The following UBQLN1 variants were observed in gnomAD, a reference collection of about 807,000 sequenced individuals.
UBQLN1 encodes ubiquilin 1, also known as ubiquilin-1.
In UBQLN1, 13 loss-of-function variants were observed where a neutral mutation model predicts 65.4. The ratio of observed to expected loss-of-function variants is 0.20; its 90% confidence interval spans 0.13 to 0.32. The LOEUF (loss-of-function observed/expected upper bound fraction) is 0.32. Ranked by LOEUF, UBQLN1 falls within the 10% of genes least tolerant of loss-of-function variation. The pLI, the probability that UBQLN1 is intolerant of heterozygous loss-of-function variation, is 1.00. For missense variants in UBQLN1, 561 were observed against 724.0 expected, an observed-to-expected ratio of 0.77 and a Z score of 2.58; for synonymous variants, 267 against 247.8, an observed-to-expected ratio of 1.08 and a Z score of -0.73.
At chr9:83,681,062 A>G (rs192147738) in intron 3 of UBQLN1, among the ~76,000 whole-genome samples, 2 of 152,314 alleles carry the variant, frequency 1.3e-5, no homozygotes, top group East Asian at 3.8e-4. Flanking sequence ...TGCTTCTAAT[A>G]ATCTTTCCAA....
chr9:83,663,171 A>G (rs1831589485), intron 10 of UBQLN1, among the ~76,000 whole-genome samples: 1 of 151,582 alleles, frequency 6.6e-6, no homozygotes, highest in South Asian at 2.1e-4. Flanking sequence ...GGAAGGAGGA[A>G]AAGGAAAGGG....
intron 6 of UBQLN1, among the ~76,000 whole-genome samples, chr9:83,676,594 CAT>C (rs1291981671): frequency 2.6e-5 from 4 of 152,106 alleles, no homozygotes; most frequent in Non-Finnish European, 5.9e-5. Flanking sequence ...ATATTATAAA[CAT>C]AAATCTCAAG....
rs533292611 is a variant in UBQLN1 at position 83,678,616 on chromosome 9, C to G, written c.712-17G>C. 29 of 1,561,406 alleles carry G rather than the reference C, an allele frequency of 1.9e-5. No homozygotes were observed. The highest frequency in any genetic ancestry group is 4.2e-5 in the Admixed American group (2 of 47,768). On this transcript the variant is annotated splice_polypyrimidine_tract_variant and intron_variant, in intron 4 of 10. Transcript: ENST00000376395. ...TTCCAACGTCTACGAAAAATATTTCCAAAAAAAGAAAAAAAAAAGGCATTG... is the reference window on the plus strand; with the variant it reads ...TTCCAACGTCTACGAAAAATATTTCGAAAAAAAGAAAAAAAAAAGGCATTG...
chr9:83,686,167 T>A lies in UBQLN1; in HGVS notation c.181-12A>T. ...ATTTCTTCCTTAAACTAAATAAAAATAAAATAAGTATGTATTACAGTTGTT... is the reference window on the plus strand; with the variant it reads ...ATTTCTTCCTTAAACTAAATAAAAAAAAAATAAGTATGTATTACAGTTGTT... On this transcript the variant is annotated splice_polypyrimidine_tract_variant and intron_variant, in intron 1 of 10. Transcript: ENST00000376395. 1 of 1,506,010 alleles carries A rather than the reference T, an allele frequency of 6.6e-7. No homozygotes were observed. Among genetic ancestry groups the A allele is most frequent in the Non-Finnish European group, 9.0e-7 (1 of 1,116,074 alleles). 93.3% of individuals were successfully genotyped at this position (1,506,010 alleles called of 1,614,324 possible). A position where few individuals can be genotyped will look rare whatever the true frequency, so the allele number is the denominator to read the frequency against.
chr9:83,696,157 C>T (rs904127782), intron 1 of UBQLN1, among the ~76,000 whole-genome samples: 1 of 152,172 alleles, frequency 6.6e-6, no homozygotes, highest in Non-Finnish European at 1.5e-5. Flanking sequence ...CCAGGACGGT[C>T]TCAAACTCTT....
At chr9:83,692,457 A>G (rs546707446) in intron 1 of UBQLN1, among the ~76,000 whole-genome samples, 28 of 152,322 alleles carry the variant, frequency 1.8e-4, no homozygotes, top group African/African-American at 6.7e-4. Flanking sequence ...ATTGATATGG[A>G]AAAACTTAAT....
chr9:83,663,361 A>C (rs1587635171), intron 10 of UBQLN1, among the ~76,000 whole-genome samples: 1 of 152,158 alleles, frequency 6.6e-6, no homozygotes, highest in Non-Finnish European at 1.5e-5. Flanking sequence ...CAACCACATT[A>C]TTAGGGGGTC....
chr9:83,700,555 G>T (rs866829035), intron 1 of UBQLN1, among the ~76,000 whole-genome samples: 16 of 152,060 alleles, frequency 1.1e-4, no homozygotes, highest in African/African-American at 3.9e-4. Flanking sequence ...TCAAAAACAG[G>T]CTACTGTGAG....
chr9:83,673,618 A>G (rs1225443611), intron 6 of UBQLN1, among the ~76,000 whole-genome samples: 1 of 151,900 alleles, frequency 6.6e-6, no homozygotes, highest in African/African-American at 2.4e-5. Flanking sequence ...GTTAAGGGAA[A>G]AAAAATCCAA....
chr9:83,670,718 A>G (rs1239485374), intron 6 of UBQLN1, among the ~76,000 whole-genome samples: 1 of 152,216 alleles, frequency 6.6e-6, no homozygotes, highest in Non-Finnish European at 1.5e-5. Context: ...GTTTGACAGC[A>G]TTTACCACAG....
chr9:83,662,576 T>C (rs959357254), intron 10 of UBQLN1, among the ~76,000 whole-genome samples: 2 of 152,128 alleles, frequency 1.3e-5, no homozygotes, highest in African/African-American at 4.8e-5. Context: ...AAATGACCAA[T>C]CAATCCTAGG....
At chr9:83,666,691 A>C in intron 7 of UBQLN1, 3 of 348,316 alleles carry the variant, frequency 8.6e-6, no homozygotes, top group Non-Finnish European at 1.6e-5. Context: ...AAAAAATAAA[A>C]GCAATCATTT....
intron 5 of UBQLN1, among the ~76,000 whole-genome samples, chr9:83,678,211 C>T (rs930490562): frequency 6.6e-5 from 10 of 152,036 alleles, no homozygotes; most frequent in Middle Eastern, 3.4e-3. Context: ...TTAGTAGAGA[C>T]GGGATTTCAC....
At chr9:83,677,573 A>C (rs1426675594) in intron 6 of UBQLN1, among the ~76,000 whole-genome samples, 154 bp downstream of exon 6, 1 of 152,148 alleles carries the variant, frequency 6.6e-6, no homozygotes, top group East Asian at 1.9e-4. Flanking sequence ...AAAAAAACAA[A>C]ACAAAACAAA....
rs1265281296 is a variant in UBQLN1, at chr9:83,663,895, G to C, written c.1597C>G (p.Leu533Val). ...QQFIQQMLQALAGVNPQLQNP... is the reference protein window; with the variant it reads ...QQFIQQMLQAVAGVNPQLQNP... ...GATACCTGAGGATTTACTCCAGCAA[G>C]AGCCTGCAGCATCTGCTGAATAAAC... is the stretch of plus-strand genomic sequence containing the variant. The change falls in exon 10 of 11, where the codon CTT becomes GTT. Residue 533 changes from leucine to valine, a missense_variant. Leu to Val is a conservative substitution (Grantham distance 32, BLOSUM62 1). Transcript: ENST00000376395. 1.9e-6 allele frequency: 3 copies of C among 1,613,810 alleles called. No individual in the cohort carries two copies. The African/African-American group carries it at 4.0e-5, about 22-fold the overall frequency.
intron 1 of UBQLN1, among the ~76,000 whole-genome samples, chr9:83,696,867 T>C (rs1339848076): frequency 2.0e-5 from 3 of 152,130 alleles, no homozygotes; most frequent in East Asian, 1.9e-4. Flanking sequence ...AATCACAAAA[T>C]ATTATCAGAG....
intron 1 of UBQLN1, among the ~76,000 whole-genome samples, chr9:83,704,824 C>CAAAAA (rs780432842): frequency 0.02 from 1,362 of 69,314 alleles, 62 homozygotes; most frequent in East Asian, 0.059. Flanking sequence ...GACTCCATCT[C>CAAAAA]AAAAAAAAAA....
At chr9:83,678,349 A>G in intron 5 of UBQLN1, 92 bp downstream of exon 5, 2 of 1,434,110 alleles carry the variant, frequency 1.4e-6, no homozygotes, top group Non-Finnish European at 1.9e-6. Context: ...TGAAAACCAC[A>G]TTCCTCATAT....
intron 6 of UBQLN1, among the ~76,000 whole-genome samples, chr9:83,670,267 A>G (rs192986076): frequency 5.7e-4 from 87 of 151,866 alleles, no homozygotes; most frequent in Non-Finnish European, 9.6e-4. Context: ...TATTCCATCC[A>G]GTTATATCAG....
Sources: gnomAD v4.1 joint callset for allele counts (sites outside exome capture counted in the v4.1 genomes callset) on GRCh38, gnomAD v4.1.1 for gene constraint, MANE v1.5 for transcripts, NCBI Gene and HGNC (gene_info 2026-07-23, HGNC 2026-07-21) for gene names.